MIX23: variants seen among roughly 807,000 people sequenced by gnomAD.
MIX23 encodes mitochondrial matrix import factor 23, also known as protein MIX23.
Under a neutral mutation model 21.6 loss-of-function variants are expected in MIX23, and 13 were observed. The observed-to-expected ratio is 0.60, with a 90% CI of 0.39 to 0.96. The LOEUF (loss-of-function observed/expected upper bound fraction) is 0.96. Among genes scored for constraint, MIX23 ranks in the 40% least tolerant of loss-of-function variants. MIX23 has a pLI of 0.00. For missense variants in MIX23, 144 were observed against 171.2 expected, an observed-to-expected ratio of 0.84 and a Z score of 0.89; for synonymous variants, 59 against 58.0, an observed-to-expected ratio of 1.02 and a Z score of -0.08.
At chr3:122,374,986 G>A (rs2075472475) in intron 1 of MIX23, among the ~76,000 whole-genome samples, 1 of 152,152 alleles carries the variant, frequency 6.6e-6, no homozygotes, top group Admixed American at 6.5e-5. Flanking sequence ...CATCTGGGCT[G>A]GGGGTGGTGG....
At position 122,383,215 on chromosome 3, in the gene MIX23, G is replaced by C. The variant is rs2075550594; in HGVS notation, c.10C>G (p.Pro4Ala). The C allele has an allele frequency of 1.2e-6, 2 of 1,612,750 alleles. No homozygotes were observed. Among genetic ancestry groups the C allele is most frequent in the Non-Finnish European group, 8.5e-7 (1 of 1,180,034 alleles). MAAPSGGVNCEEFA... is the reference protein window; with the variant it reads MAAASGGVNCEEFA... ...TCCTCACAGTTCACACCGCCACTGG[G>C]CGCCGCCATATTGGACAAACACGAG... is the stretch of plus-strand genomic sequence containing the variant. The change falls in exon 1 of 5, where the codon CCC becomes GCC. Residue 4 changes from proline to alanine, a missense_variant. Pro to Ala is a conservative substitution (Grantham distance 27). Coordinates refer to ENST00000291458, the MANE Select transcript of MIX23 (RefSeq NM_001017928.4).
rs1185107036 is a variant in MIX23, at chr3:122,376,131, C to A, written c.52-4331G>T. 7.5e-5 allele frequency among the ~76,000 whole-genome samples: 10 copies of A among 134,130 alleles called. No homozygotes were observed. In the Admixed American group the frequency reaches 8.3e-4, roughly 11 times the overall value. 88.0% of individuals were successfully genotyped at this position (134,130 alleles called of 152,430 possible). Reference sequence around the variant, plus strand: ...TGAGCCGAGATCGTGCCACTGCATTCCAGCCTGCCTGGGCAGCAGAGAGAG... The same window carrying A: ...TGAGCCGAGATCGTGCCACTGCATTACAGCCTGCCTGGGCAGCAGAGAGAG... On this transcript the variant is annotated intron_variant, in intron 1 of 4. Transcript: ENST00000291458.
intron 1 of MIX23, among the ~76,000 whole-genome samples, chr3:122,375,057 TGAG>T (rs1207904291): frequency 3.3e-5 from 5 of 152,054 alleles, no homozygotes; most frequent in Non-Finnish European, 7.4e-5. Context: ...TTGCTTGAGC[TGAG>T]GAGGTTGAGG....
At chr3:122,367,613 C>T (rs141409710) in intron 3 of MIX23, among the ~76,000 whole-genome samples, 3 of 152,236 alleles carry the variant, frequency 2.0e-5, no homozygotes, top group Non-Finnish European at 4.4e-5. Context: ...AGCCAAAGAT[C>T]CCTAGCAACT....
intron 2 of MIX23, among the ~76,000 whole-genome samples, chr3:122,371,234 T>C (rs985694108): frequency 6.6e-6 from 1 of 152,224 alleles, no homozygotes; most frequent in African/African-American, 2.4e-5. Flanking sequence ...AGTTGCCAAA[T>C]GCTTCTATTC....
At position 122,381,654 on chromosome 3, in the gene MIX23, G is replaced by T. The variant is rs111619637; in HGVS notation, c.51+1520C>A. Among the ~76,000 whole-genome samples the T allele has an allele frequency of 2.0e-3, 301 of 151,538 alleles. 2 individuals are homozygous for T. Among genetic ancestry groups the T allele is most frequent in the African/African-American group, 6.9e-3 (287 of 41,310 alleles). ...AATCGCTTGAACTCGGGAGGTGGAG[G>T]TTGGAGTGAGCCAAGATTGTGCCAC... is the stretch of plus-strand genomic sequence containing the variant. On this transcript the variant is annotated intron_variant, in intron 1 of 4. Transcript: ENST00000291458.
At chr3:122,369,090 C>T (rs1252673689) in intron 2 of MIX23, among the ~76,000 whole-genome samples, 1 of 152,134 alleles carries the variant, frequency 6.6e-6, no homozygotes, top group East Asian at 1.9e-4. Flanking sequence ...ATAATCATAG[C>T]CACATTTTGA....
chr3:122,362,522 C>A (rs1004178137), intron 4 of MIX23, among the ~76,000 whole-genome samples: 2 of 151,362 alleles, frequency 1.3e-5, no homozygotes, highest in Non-Finnish European at 1.5e-5. Flanking sequence ...CATTCTGTTG[C>A]CCAGGCTGGA....
In MIX23 at chr3:122,359,820, A is replaced by C. The variant is rs2075343604; in HGVS notation, c.*49T>G. The C allele has an allele frequency of 7.4e-7, 1 of 1,351,944 alleles. No individual in the cohort carries two copies. The highest frequency in any genetic ancestry group is 9.5e-7 in the Non-Finnish European group (1 of 1,051,334). 83.7% of individuals were successfully genotyped at this position (1,351,944 alleles called of 1,614,324 possible). ...TGTCATGCTTAGCTCTTATGAGATG[A>C]CCCAGTCCTTAAAAAAAAAAAAAAA... On this transcript the variant is annotated 3_prime_UTR_variant, in exon 5 of 5. Transcript: ENST00000291458.
At chr3:122,382,901 A>T (rs761954454) in intron 1 of MIX23, among the ~76,000 whole-genome samples, 2 of 152,244 alleles carry the variant, frequency 1.3e-5, no homozygotes, top group Non-Finnish European at 2.9e-5. Context: ...TTATCCACGC[A>T]TCCCGAGCTT....
In MIX23 at chr3:122,359,646, T is replaced by A. The variant is rs2107673976; in HGVS notation, c.*223A>T. The A allele has an allele frequency of 2.9e-6, 1 of 344,154 alleles. No homozygotes were observed. Among genetic ancestry groups the A allele is most frequent in the Non-Finnish European group, 5.1e-6 (1 of 195,928 alleles). The allele number at this position is 344,154 out of a possible 1,614,324, so 21.3% of individuals were successfully genotyped here. Reference sequence around the variant, plus strand: ...TACAAAAATTTTTTTTTTTTTTTTTTACAGAATCAGTATAAAATAGCAGTT... The same window carrying A: ...TACAAAAATTTTTTTTTTTTTTTTTAACAGAATCAGTATAAAATAGCAGTT... On this transcript the variant is annotated 3_prime_UTR_variant, in exon 5 of 5. Transcript: ENST00000291458.
intron 1 of MIX23, among the ~76,000 whole-genome samples, chr3:122,375,159 G>A (rs1449308349): frequency 6.6e-6 from 1 of 152,078 alleles, no homozygotes; most frequent in East Asian, 1.9e-4. Context: ...CAAAAAAACT[G>A]GTAGCAGTAG....
chr3:122,368,932 CAATT>C (rs2075417835), intron 2 of MIX23, among the ~76,000 whole-genome samples: 1 of 152,186 alleles, frequency 6.6e-6, no homozygotes, highest in South Asian at 2.1e-4. Context: ...GTGGTTGCAT[CAATT>C]GTGTGTGCTT....
intron 1 of MIX23, among the ~76,000 whole-genome samples, chr3:122,377,516 C>T (rs965628595): frequency 1.3e-5 from 2 of 152,064 alleles, no homozygotes; most frequent in Non-Finnish European, 2.9e-5. Context: ...AAAGGTTTAA[C>T]GGAGGGATTG....
intron 3 of MIX23, among the ~76,000 whole-genome samples, chr3:122,367,161 G>A (rs2075403240): frequency 6.6e-6 from 1 of 151,674 alleles, no homozygotes; most frequent in Non-Finnish European, 1.5e-5. Flanking sequence ...GAGAGGGAGG[G>A]TGAAGAGAAG....
chr3:122,372,937 G>A, intron 1 of MIX23: 1 of 363,956 alleles, frequency 2.7e-6, no homozygotes, highest in Non-Finnish European at 5.4e-6. Flanking sequence ...TGTATTAAAA[G>A]CAACGTTTGA....
intron 4 of MIX23, 39 bp downstream of exon 4, chr3:122,362,929 C>T: frequency 1.3e-6 from 2 of 1,565,438 alleles, no homozygotes; most frequent in East Asian, 2.2e-5. Flanking sequence ...AGTTCAGTTT[C>T]CCTCCTACTT....
At chr3:122,361,125 G>A (rs1339808361) in intron 4 of MIX23, among the ~76,000 whole-genome samples, 4 of 152,162 alleles carry the variant, frequency 2.6e-5, no homozygotes, top group East Asian at 1.9e-4. Context: ...GATTACAGGC[G>A]TGAGCCAGTA....
Position 122,363,034 on chromosome 3 carries a change from GAA to G in MIX23, c.325-9_325-8del, listed in dbSNP as rs753109777. ...CTGACTGCATCCATTTCAACTGCAA[GAA>G]AAAAAAAAATTGAAGTTATAAAATT... is the stretch of plus-strand genomic sequence containing the variant. On this transcript the variant is annotated splice_polypyrimidine_tract_variant and splice_region_variant and intron_variant, in intron 3 of 4. Coordinates refer to ENST00000291458, the MANE Select transcript of MIX23 (RefSeq NM_001017928.4). 20 of 1,299,390 alleles carry G rather than the reference GAA, an allele frequency of 1.5e-5. No individual in the cohort carries two copies. Among genetic ancestry groups the G allele is most frequent in the South Asian group, 3.0e-5 (2 of 66,234 alleles). 80.5% of individuals were successfully genotyped at this position (1,299,390 alleles called of 1,614,324 possible). A position where few individuals can be genotyped will look rare whatever the true frequency, so the allele number is the denominator to read the frequency against.
Sources: gnomAD v4.1 joint callset for allele counts (sites outside exome capture counted in the v4.1 genomes callset) on GRCh38, gnomAD v4.1.1 for gene constraint, MANE v1.5 for transcripts, NCBI Gene and HGNC (gene_info 2026-07-23, HGNC 2026-07-21) for gene names.